NAALADL2: variants seen among roughly 807,000 people sequenced by gnomAD.
NAALADL2 encodes the protein N-acetylated alpha-linked acidic dipeptidase like 2, also known as inactive N-acetylated-alpha-linked acidic dipeptidase-like protein 2.
NAALADL2 carries 76 observed loss-of-function variants against 87.2 expected under a neutral mutation model. The ratio of observed to expected loss-of-function variants is 0.87; its 90% CI spans 0.72 to 1.05. The LOEUF (loss-of-function observed/expected upper bound fraction) is 1.05. NAALADL2 is among the 50% of genes least tolerant of loss of function. The pLI is 0.00. For synonymous variants in NAALADL2, 354 were observed against 331.0 expected, an observed-to-expected ratio of 1.07 and a Z score of -0.75; for missense variants, 1,089 against 945.8, an observed-to-expected ratio of 1.15 and a Z score of -1.99.
intron 2 of NAALADL2, among the ~76,000 whole-genome samples, chr3:174,657,859 A>C (rs772906816): frequency 2.0e-5 from 3 of 152,156 alleles, no homozygotes; most frequent in Non-Finnish European, 2.9e-5. Flanking sequence ...TTTTCAGAGC[A>C]TCATATAGTT....
In NAALADL2 at chr3:175,749,563, G is replaced by T. The variant is rs565401603; in HGVS notation, c.1991-5657G>T. ...CAGAAGAGGGGAAAACAAAGAGAGA[G>T]AACCCACTCCTGAAAGCCACTTTCT... On this transcript the variant is annotated intron_variant, in intron 12 of 13. Transcript: ENST00000454872. 2.0e-5 allele frequency among the ~76,000 whole-genome samples: 3 copies of T among 152,060 alleles called. No homozygotes were observed. The East Asian group carries it at 5.8e-4, about 30-fold the overall frequency.
chr3:175,719,570 T>A (rs1741929648), intron 11 of NAALADL2, among the ~76,000 whole-genome samples: 1 of 152,146 alleles, frequency 6.6e-6, no homozygotes, highest in African/African-American at 2.4e-5. Flanking sequence ...ACAGTAATAT[T>A]TTTGAATATT....
In NAALADL2 at chr3:175,393,181, G is replaced by C. The variant is rs576786826; in HGVS notation, c.1091-54048G>C. Among the ~76,000 whole-genome samples the C allele has an allele frequency of 2.0e-5, 3 of 147,862 alleles. No homozygotes were observed. The South Asian group carries it at 6.4e-4, about 32-fold the overall frequency. On this transcript the variant is annotated intron_variant, in intron 5 of 13. Transcript: ENST00000454872. The stretch of plus-strand genomic sequence containing the variant: ...CCCAGCTACTCGGGAGGCTGAGGCA[G>C]GAGAATGGCGTGAACCCGGGAAGCG...
At chr3:174,588,449 C>T (rs113308335) in intron 2 of NAALADL2, among the ~76,000 whole-genome samples, 50 of 152,302 alleles carry the variant, frequency 3.3e-4, no homozygotes, top group Middle Eastern at 3.4e-3. Flanking sequence ...GGAGAAGAGG[C>T]GCTCTGATTT....
At chr3:174,704,862 A>G (rs910872275) in intron 2 of NAALADL2, among the ~76,000 whole-genome samples, 3 of 152,190 alleles carry the variant, frequency 2.0e-5, no homozygotes, top group Non-Finnish European at 4.4e-5. Context: ...AAAGAAGTCA[A>G]TTTAACAATA....
chr3:174,782,354 T>A (rs1484300268), intron 3 of NAALADL2, among the ~76,000 whole-genome samples: 2 of 152,142 alleles, frequency 1.3e-5, no homozygotes, highest in Non-Finnish European at 2.9e-5. Context: ...AGTGGTACTT[T>A]TACTACCATG....
chr3:174,817,324 G>C (rs2109317392), intron 3 of NAALADL2, among the ~76,000 whole-genome samples: 1 of 152,330 alleles, frequency 6.6e-6, no homozygotes, highest in Non-Finnish European at 1.5e-5. Context: ...TCTTTAGGCT[G>C]GGCACAGTGG....
intron 2 of NAALADL2, among the ~76,000 whole-genome samples, chr3:174,639,929 A>AT (rs1212993940): frequency 2.0e-5 from 3 of 152,022 alleles, no homozygotes; most frequent in Non-Finnish European, 2.9e-5. Context: ...AATTTGCGTC[A>AT]TTTTTTTCTG....
At chr3:175,404,477 C>T (rs1711935017) in intron 5 of NAALADL2, among the ~76,000 whole-genome samples, 1 of 152,102 alleles carries the variant, frequency 6.6e-6, no homozygotes. Flanking sequence ...CCGTGTGAGT[C>T]TAAGTGTCCT....
intron 3 of NAALADL2, among the ~76,000 whole-genome samples, chr3:174,829,237 G>A (rs189853083): frequency 1.3e-5 from 2 of 151,320 alleles, no homozygotes; most frequent in Non-Finnish European, 2.9e-5. Context: ...CTAGCATTAG[G>A]TATATCTCCC....
intron 2 of NAALADL2, among the ~76,000 whole-genome samples, chr3:175,220,340 A>G (rs181428162): frequency 8.0e-4 from 121 of 151,866 alleles, no homozygotes; most frequent in African/African-American, 2.8e-3. Context: ...GGGTTTGGAA[A>G]GTTTTTTTTT....
intron 3 of NAALADL2, among the ~76,000 whole-genome samples, chr3:174,823,317 C>T (rs1721629017): frequency 6.6e-6 from 1 of 151,898 alleles, no homozygotes. Context: ...TTTCTCATTG[C>T]AAGATCCTAA....
intron 3 of NAALADL2, 46 bp from the exon 4 acceptor site, chr3:175,256,365 T>C (rs745550637): frequency 6.4e-7 from 1 of 1,556,968 alleles, no homozygotes; most frequent in East Asian, 2.3e-5. Context: ...TGGCTATACT[T>C]CTTCCTCTGA....
At chr3:175,042,025 T>A (rs530290380) in intron 1 of NAALADL2, among the ~76,000 whole-genome samples, 1 of 152,272 alleles carries the variant, frequency 6.6e-6, no homozygotes, top group African/African-American at 2.4e-5. Flanking sequence ...GTCCTCAGAA[T>A]TTATTCATCT....
chr3:175,355,349 T>C (rs143848238), intron 5 of NAALADL2, among the ~76,000 whole-genome samples: 3,244 of 152,158 alleles, frequency 0.021, 122 homozygotes, highest in African/African-American at 0.073. Flanking sequence ...TGATTACAGG[T>C]GTTAGACACC....
At chr3:175,011,843 G>A (rs1266502023) in intron 1 of NAALADL2, among the ~76,000 whole-genome samples, 4 of 152,094 alleles carry the variant, frequency 2.6e-5, no homozygotes, top group African/African-American at 9.7e-5. Context: ...AGACTCTTCT[G>A]TGAATCAGGG....
chr3:175,474,683 A>G lies in NAALADL2; in HGVS notation c.1653+2925A>G, dbSNP rs146265948. On this transcript the variant is annotated intron_variant, in intron 9 of 13. Coordinates refer to ENST00000454872, the MANE Select transcript of NAALADL2 (RefSeq NM_207015.3). ...CACAGTCACGCTCTCAGCATCACACAACTGCTGCTGGCATTGGGGGGAGGT... is the reference window on the plus strand; with the variant it reads ...CACAGTCACGCTCTCAGCATCACACGACTGCTGCTGGCATTGGGGGGAGGT... Among the ~76,000 whole-genome samples the G allele has an allele frequency of 4.6e-5, 7 of 152,110 alleles. No homozygotes were observed. In the East Asian group the frequency reaches 1.4e-3, roughly 29 times the overall value.
At chr3:175,642,736 G>A (rs575722677) in intron 11 of NAALADL2, among the ~76,000 whole-genome samples, 128 of 152,174 alleles carry the variant, frequency 8.4e-4, no homozygotes, top group South Asian at 1.7e-3. Flanking sequence ...TCCTGACCTC[G>A]TGATCCTCCC....
intron 9 of NAALADL2, among the ~76,000 whole-genome samples, chr3:175,508,500 T>G (rs1035742205): frequency 2.0e-5 from 3 of 152,154 alleles, no homozygotes; most frequent in Non-Finnish European, 4.4e-5. Flanking sequence ...TATCTAGAAA[T>G]CTACCTATTA....
Sources: gnomAD v4.1 joint callset for allele counts (sites outside exome capture counted in the v4.1 genomes callset) on GRCh38, gnomAD v4.1.1 for gene constraint, MANE v1.5 for transcripts, NCBI Gene and HGNC (gene_info 2026-07-23, HGNC 2026-07-21) for gene names.